The following PRKCB variants were observed in gnomAD, a reference collection of about 807,000 sequenced individuals.
PRKCB encodes the protein protein kinase C beta, also known as protein kinase C beta type.
Under a neutral mutation model 81.5 loss-of-function variants are expected in PRKCB, and 13 were observed. The ratio of observed to expected loss-of-function variants is 0.16; its 90% confidence interval spans 0.10 to 0.25. The LOEUF (loss-of-function observed/expected upper bound fraction) is 0.25. PRKCB is among the 10% of genes least tolerant of loss of function. The pLI, the probability that PRKCB is intolerant of heterozygous loss-of-function variation, is 1.00. For missense variants in PRKCB, 509 were observed against 875.7 expected (o/e 0.58, Z 5.29); for synonymous variants, 335 against 321.4 (o/e 1.04, Z -0.45).
intron 10 of PRKCB, among the ~76,000 whole-genome samples, chr16:24,170,954 A>AT (rs1028610742): frequency 1.9e-4 from 29 of 151,864 alleles, no homozygotes; most frequent in Non-Finnish European, 3.1e-4. Context: ...TAGGACACAG[A>AT]TTTTTTTTTG....
chr16:23,930,902 G>C (rs948015137), intron 2 of PRKCB, among the ~76,000 whole-genome samples: 1 of 152,150 alleles, frequency 6.6e-6, no homozygotes, highest in African/African-American at 2.4e-5. Flanking sequence ...CATCGATGAG[G>C]AACCTGAAGC....
At chr16:23,859,866 T>C (rs1962633072) in intron 2 of PRKCB, among the ~76,000 whole-genome samples, 1 of 135,108 alleles carries the variant, frequency 7.4e-6, no homozygotes, top group East Asian at 2.2e-4. Context: ...TTGACAGCAT[T>C]AGGAGAGAGA....
intron 9 of PRKCB, among the ~76,000 whole-genome samples, chr16:24,131,359 A>G (rs1966853144): frequency 6.6e-6 from 1 of 152,164 alleles, no homozygotes; most frequent in South Asian, 2.1e-4. Flanking sequence ...ATGACATTAA[A>G]TGCCTGGGTG....
At chr16:23,967,683 C>T (rs900999808) in intron 2 of PRKCB, among the ~76,000 whole-genome samples, 1 of 151,874 alleles carries the variant, frequency 6.6e-6, no homozygotes, top group Non-Finnish European at 1.5e-5. Context: ...GATAGAGTCT[C>T]ATTCTGTCAC....
intron 3 of PRKCB, among the ~76,000 whole-genome samples, chr16:24,028,152 G>T (rs1965506185): frequency 6.6e-6 from 1 of 152,130 alleles, no homozygotes; most frequent in Non-Finnish European, 1.5e-5. Flanking sequence ...GCAGTGGCAT[G>T]ATTTCAGCTC....
chr16:23,910,898 A>T (rs978958688), intron 2 of PRKCB, among the ~76,000 whole-genome samples: 1 of 151,988 alleles, frequency 6.6e-6, no homozygotes. Context: ...CCTATCCTAG[A>T]CATTTTGTAT....
intron 2 of PRKCB, among the ~76,000 whole-genome samples, chr16:23,873,797 C>T (rs1962951443): frequency 6.6e-6 from 1 of 152,202 alleles, no homozygotes; most frequent in South Asian, 2.1e-4. Context: ...CTAGAATTAG[C>T]CACTGTCAGT....
intron 16 of PRKCB, among the ~76,000 whole-genome samples, chr16:24,192,345 A>AAT (rs1967806722): frequency 6.6e-6 from 1 of 152,172 alleles, no homozygotes; most frequent in African/African-American, 2.4e-5. Context: ...TGAGGGGCAG[A>AAT]ATCCTGCTGC....
intron 2 of PRKCB, among the ~76,000 whole-genome samples, chr16:23,902,736 T>TCCCTCCCTCCCTCCCTCCCTCCCTC (rs1299376009): frequency 8.8e-5 from 1 of 11,372 alleles, no homozygotes; most frequent in African/African-American, 3.9e-4. Flanking sequence ...CTTCCTCCCT[T>TCCCTCCCTCCCTCCCTCCCTCCCTC]CCTTCCTTCC....
At chr16:24,185,806 G>C (rs773218817) in intron 15 of PRKCB, among the ~76,000 whole-genome samples, 4 of 152,210 alleles carry the variant, frequency 2.6e-5, no homozygotes, top group Non-Finnish European at 5.9e-5. Flanking sequence ...TGCTGGCTGG[G>C]CTGCAGTCTC....
intron 3 of PRKCB, among the ~76,000 whole-genome samples, chr16:23,995,283 G>A (rs1249580369): frequency 1.3e-5 from 2 of 152,128 alleles, no homozygotes; most frequent in Admixed American, 1.3e-4. Context: ...TTTCAGTAGG[G>A]CCCAGAACAG....
intron 2 of PRKCB, among the ~76,000 whole-genome samples, chr16:23,867,023 TCCTTCCTTCCTTCCTTCCTTCCTTCCTTC>T (rs1962809994): frequency 8.5e-4 from 81 of 95,780 alleles, no homozygotes; most frequent in African/African-American, 2.4e-3. Flanking sequence ...CTTCCTTCCT[TCCTTCCTTCCTTCCTTCCTTCCTTCCTTC>T]TCTCTCTCTC....
At chr16:23,851,522 C>T (rs1962472560) in intron 2 of PRKCB, among the ~76,000 whole-genome samples, 1 of 152,124 alleles carries the variant, frequency 6.6e-6, no homozygotes, top group Admixed American at 6.6e-5. Flanking sequence ...CGTGTGATTC[C>T]TCCAGCTTTG....
At chr16:23,940,731 A>G (rs559420381) in intron 2 of PRKCB, among the ~76,000 whole-genome samples, 43 of 152,276 alleles carry the variant, frequency 2.8e-4, no homozygotes, top group African/African-American at 7.7e-4. Flanking sequence ...GAAAGGACTT[A>G]TAAATCCAGA....
chr16:23,900,718 G>GTTTTTTTTTTTTTTTTTTT (rs56897816), intron 2 of PRKCB, among the ~76,000 whole-genome samples: 1 of 62,266 alleles, frequency 1.6e-5, no homozygotes, highest in African/African-American at 7.0e-5. Flanking sequence ...AGCTGCACAG[G>GTTTTTTTTTTTTTTTTTTT]TTTTTTTTTT....
intron 3 of PRKCB, among the ~76,000 whole-genome samples, chr16:23,993,481 G>A (rs1964915109): frequency 1.3e-5 from 2 of 152,208 alleles, no homozygotes; most frequent in South Asian, 2.1e-4. Context: ...ATGCCAGAGT[G>A]GATTTGTCAT....
At chr16:24,042,421 A>G (rs1014092993) in intron 5 of PRKCB, among the ~76,000 whole-genome samples, 12 of 152,106 alleles carry the variant, frequency 7.9e-5, no homozygotes, top group Non-Finnish European at 4.4e-5. Context: ...CTTCCCTTTT[A>G]CATTATTGGT....
intron 2 of PRKCB, among the ~76,000 whole-genome samples, chr16:23,887,617 T>G (rs530036372): frequency 3.9e-5 from 6 of 152,334 alleles, no homozygotes; most frequent in Non-Finnish European, 7.4e-5. Context: ...CCTAGGTGGA[T>G]TCCATGTTTT....
intron 3 of PRKCB, among the ~76,000 whole-genome samples, chr16:24,021,349 TCCTTCCTCCTTC>T (rs1965398897): frequency 6.8e-5 from 2 of 29,596 alleles, no homozygotes; most frequent in East Asian, 1.1e-3. Context: ...CTTCCTTCCT[TCCTTCCTCCTTC>T]CCTCCCTCCC....
Sources: gnomAD v4.1 joint callset for allele counts (sites outside exome capture counted in the v4.1 genomes callset) on GRCh38, gnomAD v4.1.1 for gene constraint, MANE v1.5 for transcripts, NCBI Gene and HGNC (gene_info 2026-07-23, HGNC 2026-07-21) for gene names.